The following BZW2 variants were observed in gnomAD, a reference collection of about 807,000 sequenced individuals.
BZW2 encodes the protein eIF5-mimic protein 1.
BZW2 carries 23 observed loss-of-function variants against 53.2 expected under a neutral mutation model. The observed-to-expected ratio is 0.43, with a 90% CI of 0.31 to 0.61. BZW2 has a LOEUF of 0.61. BZW2 is among the 20% of genes least tolerant of loss of function. The pLI, the probability that BZW2 is intolerant of heterozygous loss-of-function variation, is 0.09. For synonymous variants in BZW2, 227 were observed against 186.4 expected, an observed-to-expected ratio of 1.22 and a Z score of -1.77; for missense variants, 409 against 503.1, an observed-to-expected ratio of 0.81 and a Z score of 1.79.
intron 7 of BZW2, among the ~76,000 whole-genome samples, chr7:16,690,378 T>A (rs931171122): frequency 6.6e-6 from 1 of 151,914 alleles, no homozygotes; most frequent in Non-Finnish European, 1.5e-5. Flanking sequence ...ATTTTTGGAT[T>A]TTTTTTAATA....
intron 1 of BZW2, among the ~76,000 whole-genome samples, chr7:16,649,603 A>T (rs1781941099): frequency 6.6e-6 from 1 of 152,164 alleles, no homozygotes; most frequent in African/African-American, 2.4e-5. Flanking sequence ...TTTGAGTATT[A>T]CATCTTTCAG....
intron 2 of BZW2, among the ~76,000 whole-genome samples, chr7:16,666,093 ATAT>A (rs1435070096): frequency 2.6e-5 from 4 of 151,884 alleles, no homozygotes; most frequent in African/African-American, 4.8e-5. Context: ...TGTGTAAATA[ATAT>A]TTTATATATT....
In BZW2 at chr7:16,663,605, A is replaced by T. The variant is rs189310797; in HGVS notation, c.-7-1832A>T. 3.1e-3 allele frequency among the ~76,000 whole-genome samples: 471 copies of T among 149,996 alleles called. 4 individuals carry two copies. The highest frequency in any genetic ancestry group is 0.01 in the African/African-American group (405 of 39,526). On this transcript the variant is annotated intron_variant, in intron 1 of 11. Transcript: ENST00000258761. ...TTTTTCATGTTCTTAAGGATTTTTTAAAAAAAACTTTTGGGAGTAATTAAA... is the reference window on the plus strand; with the variant it reads ...TTTTTCATGTTCTTAAGGATTTTTTTAAAAAAACTTTTGGGAGTAATTAAA...
intron 9 of BZW2, 27 bp from the exon 10 acceptor site, chr7:16,698,021 G>A (rs200898944): frequency 1.1e-4 from 177 of 1,612,968 alleles, no homozygotes; most frequent in African/African-American, 2.7e-4. Flanking sequence ...CGCAAGTGAC[G>A]GCTTTTACTC....
chr7:16,670,791 C>T (rs1461507741), intron 2 of BZW2, among the ~76,000 whole-genome samples: 1 of 152,172 alleles, frequency 6.6e-6, no homozygotes. Context: ...TCTGCAGTCA[C>T]CATTTGCATG....
intron 2 of BZW2, among the ~76,000 whole-genome samples, chr7:16,666,624 A>G (rs1011479759): frequency 2.0e-5 from 3 of 152,072 alleles, no homozygotes; most frequent in Non-Finnish European, 4.4e-5. Context: ...GCTGGTCTCG[A>G]TCTCCTGACC....
rs187197453 is a variant in BZW2, at chr7:16,654,221, C to A, written c.-8+7933C>A. 5.9e-5 allele frequency among the ~76,000 whole-genome samples: 9 copies of A among 151,354 alleles called. No individual in the cohort carries two copies. In the East Asian group the frequency reaches 9.7e-4, roughly 16 times the overall value. ...CTCCAGCCTGGGTGACAGAGTAAGA[C>A]TCTGTCTCAAAAAGTAATAATAATA... On this transcript the variant is annotated intron_variant, in intron 1 of 11. Transcript: ENST00000258761.
intron 1 of BZW2, among the ~76,000 whole-genome samples, chr7:16,655,423 G>T (rs1230169521): frequency 6.6e-6 from 1 of 151,986 alleles, no homozygotes; most frequent in Non-Finnish European, 1.5e-5. Flanking sequence ...CATATGTGGG[G>T]TACAGTGTGG....
chr7:16,674,244 T>C (rs1311682413), intron 2 of BZW2, among the ~76,000 whole-genome samples, 168 bp from the exon 3 acceptor site: 1 of 152,162 alleles, frequency 6.6e-6, no homozygotes, highest in Non-Finnish European at 1.5e-5. Context: ...TATTCCCCTA[T>C]GCCATCTTTA....
At chr7:16,694,672 G>C (rs1390522028) in intron 7 of BZW2, among the ~76,000 whole-genome samples, 162 bp from the exon 8 acceptor site, 2 of 152,096 alleles carry the variant, frequency 1.3e-5, no homozygotes, top group Non-Finnish European at 2.9e-5. Flanking sequence ...TTCAGAAGAT[G>C]TTTAGCTCAG....
rs1394160411 is a variant in BZW2, at chr7:16,664,763, CA to C, written c.-7-672del. ...CTGCAACTAAATCCTTTTACATATA[CA>C]AGTATATTTGCATTCTTGTGTGAAT... On this transcript the variant is annotated intron_variant, in intron 1 of 11. Coordinates refer to ENST00000258761, the MANE Select transcript of BZW2 (RefSeq NM_014038.3). 2.6e-5 allele frequency among the ~76,000 whole-genome samples: 4 copies of C among 152,158 alleles called. No individual in the cohort carries two copies. The East Asian group carries it at 5.8e-4, about 22-fold the overall frequency.
Position 16,706,182 on chromosome 7 carries a change from CG to C in BZW2, c.*95del. On this transcript the variant is annotated 3_prime_UTR_variant, in exon 12 of 12. Coordinates refer to ENST00000258761, the MANE Select transcript of BZW2 (RefSeq NM_014038.3). ...AGAAGAGAAACTTGGCTTCTGTTTT[CG>C]CAAAGGAAAAAAAAAATAGGATAGG... 7.2e-7 allele frequency: 1 copy of C among 1,381,204 alleles called. No individual in the cohort carries two copies. Among genetic ancestry groups the C allele is most frequent in the Admixed American group, 2.1e-5 (1 of 48,322 alleles). 85.6% of individuals were successfully genotyped at this position (1,381,204 alleles called of 1,614,324 possible). A position where few individuals can be genotyped will look rare whatever the true frequency, so the allele number is the denominator to read the frequency against.
chr7:16,656,983 T>G (rs369570653), intron 1 of BZW2, among the ~76,000 whole-genome samples: 1 of 152,186 alleles, frequency 6.6e-6, no homozygotes, highest in Non-Finnish European at 1.5e-5. Context: ...CCCAGGATCA[T>G]AGTGAATCTC....
intron 7 of BZW2, among the ~76,000 whole-genome samples, chr7:16,693,264 T>A (rs1296894261): frequency 6.6e-6 from 1 of 152,180 alleles, no homozygotes; most frequent in Non-Finnish European, 1.5e-5. Flanking sequence ...ACAAACCATG[T>A]TCCAAGTCAA....
chr7:16,668,747 A>G (rs1464545875), intron 2 of BZW2, among the ~76,000 whole-genome samples: 2 of 152,206 alleles, frequency 1.3e-5, no homozygotes, highest in Non-Finnish European at 2.9e-5. Flanking sequence ...TAGTATGACA[A>G]TGTATTTCTT....
At position 16,686,227 on chromosome 7, in the gene BZW2, A is replaced by G. The variant is rs1783121609; in HGVS notation, c.541+187A>G. Reference sequence around the variant, plus strand: ...AGGAGTGGACTTGTTAATTGTAGGAAGTTTGAAGGAAAAAATATGCACACC... The same window carrying G: ...AGGAGTGGACTTGTTAATTGTAGGAGGTTTGAAGGAAAAAATATGCACACC... On this transcript the variant is annotated intron_variant, in intron 6 of 11. Transcript: ENST00000258761. The G allele has an allele frequency of 3.4e-6, 3 of 884,062 alleles. No individual in the cohort carries two copies. The East Asian group carries it at 8.7e-5, about 25-fold the overall frequency. The allele number at this position is 884,062 out of a possible 1,614,324, so 54.8% of individuals were successfully genotyped here.
chr7:16,675,084 T>A (rs1248944382), intron 3 of BZW2, among the ~76,000 whole-genome samples: 3 of 152,168 alleles, frequency 2.0e-5, no homozygotes, highest in Non-Finnish European at 4.4e-5. Flanking sequence ...TAAAGATAGG[T>A]GAAAACAAAA....
intron 6 of BZW2, 74 bp from the exon 7 acceptor site, chr7:16,689,723 C>T: frequency 8.0e-7 from 1 of 1,252,006 alleles, no homozygotes; most frequent in Non-Finnish European, 1.1e-6. Context: ...TTTCAGGAAA[C>T]CTGGTTGCTT....
intron 1 of BZW2, among the ~76,000 whole-genome samples, chr7:16,655,059 A>G (rs1782087261): frequency 6.6e-6 from 1 of 152,146 alleles, no homozygotes; most frequent in Admixed American, 6.5e-5. Context: ...TGTCATAAAA[A>G]CCTGGTTGGA....
Sources: gnomAD v4.1 joint callset for allele counts (sites outside exome capture counted in the v4.1 genomes callset) on GRCh38, gnomAD v4.1.1 for gene constraint, MANE v1.5 for transcripts, NCBI Gene and HGNC (gene_info 2026-07-23, HGNC 2026-07-21) for gene names.